Variants in ZNF214 observed in about 807,000 individuals in gnomAD.
ZNF214 encodes the protein BWSCR2-associated zinc finger protein 1.
ZNF214 carries 43 observed loss-of-function variants against 53.9 expected under a neutral mutation model. That is an observed-to-expected ratio of 0.80 (90% confidence interval 0.63 to 1.03). The LOEUF is 1.03. Among genes scored for constraint, ZNF214 ranks in the 50% least tolerant of loss-of-function variants. The probability of loss-of-function intolerance (pLI) is 0.00; values close to 1 mark genes in which losing one functional copy is unlikely to be tolerated. For synonymous variants in ZNF214, 217 were observed against 229.5 expected, an observed-to-expected ratio of 0.95 and a Z score of 0.49; for missense variants, 724 against 719.1, an observed-to-expected ratio of 1.01 and a Z score of -0.08.
chr11:7,012,477 T>TA (rs1851628850), intron 1 of ZNF214, among the ~76,000 whole-genome samples: 1 of 152,070 alleles, frequency 6.6e-6, no homozygotes, highest in African/African-American at 2.4e-5. Context: ...TGAAAACATT[T>TA]ACCACTGTTA....
Position 6,999,702 on chromosome 11 carries a change from T to G in ZNF214, c.*160A>C. 2.8e-6 allele frequency: 2 copies of G among 716,598 alleles called. No individual in the cohort carries two copies. Among genetic ancestry groups the G allele is most frequent in the Middle Eastern group, 8.5e-4 (2 of 2,364 alleles). 44.4% of individuals were successfully genotyped at this position (716,598 alleles called of 1,614,324 possible). A position where few individuals can be genotyped will look rare whatever the true frequency, so the allele number is the denominator to read the frequency against. On this transcript the variant is annotated 3_prime_UTR_variant, in exon 3 of 3. Coordinates refer to ENST00000278314, the MANE Select transcript of ZNF214 (RefSeq NM_013249.4). ...AAATATATAGGGTTTTTTCTAAAGA[T>G]CTCCTTTTGAAGCAAATAATTCTTA...
At chr11:7,011,485 T>A (rs942258042) in intron 1 of ZNF214, among the ~76,000 whole-genome samples, 3 of 152,070 alleles carry the variant, frequency 2.0e-5, no homozygotes, top group Non-Finnish European at 2.9e-5. Flanking sequence ...AACACCGATG[T>A]ATTCTCTTAA....
intron 1 of ZNF214, among the ~76,000 whole-genome samples, chr11:7,014,804 C>CAAAAAAAAAAA (rs1280725156): frequency 9.3e-5 from 6 of 64,224 alleles, no homozygotes; most frequent in South Asian, 5.8e-4. Flanking sequence ...CTGTCTCTAA[C>CAAAAAAAAAAA]AAAAAAAAAA....
chr11:7,014,318 A>G (rs895221530), intron 1 of ZNF214, among the ~76,000 whole-genome samples: 7 of 152,226 alleles, frequency 4.6e-5, no homozygotes, highest in African/African-American at 1.7e-4. Flanking sequence ...AGCATAATAA[A>G]TGCTGTAACA....
Position 7,001,051 on chromosome 11 carries a change from CTCAGTAGGTCT to C in ZNF214, c.621_631del (p.Asp208ArgfsTer11). The C allele has an allele frequency of 6.2e-7, 1 of 1,613,280 alleles. No homozygotes were observed. Among genetic ancestry groups the C allele is most frequent in the Non-Finnish European group, 8.5e-7 (1 of 1,179,574 alleles). On this transcript the variant is annotated frameshift_variant, in exon 3 of 3. Transcript: ENST00000278314. LOFTEE classifies it high-confidence loss of function. ...ACAGTACTTTTCTTCCATTGAATCT[CTCAGTAGGTCT>C]TCTTGACATATCACCCCAACATACT...
Position 7,001,821 on chromosome 11 carries a change from C to T in ZNF214, c.128-266G>A, listed in dbSNP as rs79220664. Among the ~76,000 whole-genome samples the T allele has an allele frequency of 1.3e-3, 196 of 152,108 alleles. 3 individuals carry two copies. In the East Asian group the frequency reaches 0.035, roughly 27 times the overall value. ...AGAAAGATTTAACTTCTATTTACCA[C>T]GCACTGTTAGAAATGAGAATAATGC... On this transcript the variant is annotated intron_variant, in intron 2 of 2. Transcript: ENST00000278314.
intron 1 of ZNF214, among the ~76,000 whole-genome samples, chr11:7,005,119 T>C (rs1349970663): frequency 6.7e-6 from 1 of 150,374 alleles, no homozygotes; most frequent in Non-Finnish European, 1.5e-5. Context: ...AATATTTATA[T>C]ATGATAATGT....
chr11:7,006,952 A>G (rs1309925421), intron 1 of ZNF214, among the ~76,000 whole-genome samples: 1 of 152,056 alleles, frequency 6.6e-6, no homozygotes, highest in Non-Finnish European at 1.5e-5. Flanking sequence ...GTGATCAAGT[A>G]CCTTGGTGAA....
Position 7,001,181 on chromosome 11 carries a change from G to A in ZNF214, c.502C>T (p.Arg168Cys), listed in dbSNP as rs144068962. 30 of 1,613,094 alleles carry A rather than the reference G, an allele frequency of 1.9e-5. No homozygotes were observed. Among genetic ancestry groups the A allele is most frequent in the Middle Eastern group, 1.6e-4 (1 of 6,076 alleles). ...AGGTTTTTCCTGGATATGCCAAGAC[G>A]GTATCTGCCCCCTTGAAAACCATGT... ...GSHGFQGGRY[R>C]LGISRKNLSM... The change falls in exon 3 of 3, where the codon CGT (arginine) becomes TGT (cysteine). Residue 168 changes from arginine (R) to cysteine (C), a missense_variant. Coordinates refer to ENST00000278314, the MANE Select transcript of ZNF214 (RefSeq NM_013249.4).
In ZNF214 at chr11:6,999,554, C is replaced by T. The variant is rs1029847820; in HGVS notation, c.*308G>A. 3.5e-5 allele frequency: 5 copies of T among 142,610 alleles called. No individual in the cohort carries two copies. The highest frequency in any genetic ancestry group is 5.6e-5 in the Non-Finnish European group (4 of 70,964). The allele number at this position is 142,610 out of a possible 1,614,324, so 8.8% of individuals were successfully genotyped here. A position where few individuals can be genotyped will look rare whatever the true frequency, so the allele number is the denominator to read the frequency against. ...AAAATTGAACACACAATTTCATGCACATTAAAATGCACAGAAAAAAAGACT... is the reference window on the plus strand; with the variant it reads ...AAAATTGAACACACAATTTCATGCATATTAAAATGCACAGAAAAAAAGACT... On this transcript the variant is annotated 3_prime_UTR_variant, in exon 3 of 3. Coordinates refer to ENST00000278314, the MANE Select transcript of ZNF214 (RefSeq NM_013249.4).
intron 1 of ZNF214, among the ~76,000 whole-genome samples, chr11:7,004,198 C>G (rs61879015): frequency 0.15 from 23,030 of 151,818 alleles, 2,156 homozygotes; most frequent in Non-Finnish European, 0.21. Context: ...ATTTAAAATA[C>G]TGAAATAACA....
chr11:7,015,872 TG>T (rs1437846610), intron 1 of ZNF214: 8 of 152,146 alleles, frequency 5.3e-5, no homozygotes, highest in Non-Finnish European at 1.2e-4. Flanking sequence ...TAACATGGCT[TG>T]ACATACAAGT....
Position 7,000,806 on chromosome 11 carries a change from G to A in ZNF214, c.877C>T (p.His293Tyr), listed in dbSNP as rs766125590. The A allele has an allele frequency of 1.2e-6, 2 of 1,611,332 alleles. No homozygotes were observed. Among genetic ancestry groups the A allele is most frequent in the South Asian group, 2.2e-5 (2 of 90,926 alleles). The part of the protein sequence containing the change: ...NFHQSSGVHF[H>Y]QRVHIGEVPY... ...ACCTCCCCTATGTGAACTCTCTGATGAAAGTGAACTCCGGAGCTCTGATGA... is the reference window on the plus strand; with the variant it reads ...ACCTCCCCTATGTGAACTCTCTGATAAAAGTGAACTCCGGAGCTCTGATGA... Residue 293 changes from histidine (H) to tyrosine (Y), a missense_variant, in exon 3 of 3, where the codon CAT becomes TAT. Physicochemically the swap from His to Tyr is moderately conservative, Grantham distance 83. Coordinates refer to ENST00000278314, the MANE Select transcript of ZNF214 (RefSeq NM_013249.4).
Position 7,000,311 on chromosome 11 carries a change from G to A in ZNF214, c.1372C>T (p.Arg458Cys), listed in dbSNP as rs559914230. The change falls in exon 3 of 3, where the codon CGC becomes TGC. Residue 458 changes from arginine (R) to cysteine (C), a missense_variant. Physicochemically the swap from Arg to Cys is radical, Grantham distance 180. Transcript: ENST00000278314. Reference sequence around the variant, plus strand: ...CCTGTATGGACTCTCTGATGAATGCGAAGATCTGAGCTGTGACTAAAGTCC... The same window carrying A: ...CCTGTATGGACTCTCTGATGAATGCAAAGATCTGAGCTGTGACTAAAGTCC... Reference protein sequence around the residue: ...GKDFSHSSDLRIHQRVHTGEK... With the variant: ...GKDFSHSSDLCIHQRVHTGEK... The A allele has an allele frequency of 1.4e-4, 223 of 1,613,308 alleles. 3 individuals carry two copies. In the South Asian group the frequency reaches 2.1e-3, roughly 15 times the overall value.
intron 1 of ZNF214, among the ~76,000 whole-genome samples, chr11:7,017,738 C>A (rs1490719479): frequency 1.4e-3 from 186 of 136,956 alleles, no homozygotes; most frequent in Admixed American, 2.2e-3. Flanking sequence ...GACTCCGTCT[C>A]AAAAAAAAAA....
In ZNF214 at chr11:6,999,037, TA is replaced by T. The variant is rs1851251245; in HGVS notation, c.*824del. Among the ~76,000 whole-genome samples the T allele has an allele frequency of 1.3e-5, 2 of 152,006 alleles. No homozygotes were observed. The highest frequency in any genetic ancestry group is 2.9e-5 in the Non-Finnish European group (2 of 67,944). ...TATTACCACTCTGTTCTACTGAGAT[TA>T]AATAAAATTCTACTGCTTGGATCTC... On this transcript the variant is annotated 3_prime_UTR_variant, in exon 3 of 3. Transcript: ENST00000278314.
chr11:7,000,585 ACT>A lies in ZNF214; in HGVS notation c.1096_1097del (p.Ser366PhefsTer2). 6.2e-7 allele frequency: 1 copy of A among 1,610,296 alleles called. No homozygotes were observed. Among genetic ancestry groups the A allele is most frequent in the Non-Finnish European group, 8.5e-7 (1 of 1,178,544 alleles). On this transcript the variant is annotated frameshift_variant, in exon 3 of 3. Transcript: ENST00000278314. LOFTEE classifies it high-confidence loss of function. ...KPFKCNQCGK[S>X]FNRSSVLHVH... Reference sequence around the variant, plus strand: ...CATGAAGTACTGAACTCCGATTAAAACTCTTACCACACTGATTACATTTAAAA... The same window carrying A: ...CATGAAGTACTGAACTCCGATTAAAACTTACCACACTGATTACATTTAAAA...
At chr11:7,013,643 C>T (rs569851884) in intron 1 of ZNF214, among the ~76,000 whole-genome samples, 29 of 152,290 alleles carry the variant, frequency 1.9e-4, no homozygotes, top group Middle Eastern at 3.4e-3. Context: ...GCGATGGCCC[C>T]CTGGTGTTCC....
intron 1 of ZNF214, 128 bp downstream of exon 1, chr11:7,019,945 G>GCTC (rs1851875769): frequency 6.6e-6 from 1 of 152,178 alleles, no homozygotes; most frequent in Admixed American, 6.5e-5. Context: ...GGGGTCCCCT[G>GCTC]CTCCTGCACT....
Sources: gnomAD v4.1 joint callset for allele counts (sites outside exome capture counted in the v4.1 genomes callset) on GRCh38, gnomAD v4.1.1 for gene constraint, MANE v1.5 for transcripts, NCBI Gene and HGNC (gene_info 2026-07-23, HGNC 2026-07-21) for gene names.